Variants in RBFOX1 observed in about 807,000 individuals in gnomAD.
RBFOX1 encodes the protein RNA binding protein fox-1 homolog 1.
A neutral mutation model predicts 57.7 loss-of-function variants in RBFOX1; 8 were observed. The ratio of observed to expected loss-of-function variants is 0.14; its 90% confidence interval spans 0.08 to 0.25. The LOEUF (loss-of-function observed/expected upper bound fraction) is 0.25. Ranked by LOEUF, RBFOX1 falls within the 10% of genes least tolerant of loss-of-function variation. The pLI, the probability that RBFOX1 is intolerant of heterozygous loss-of-function variation, is 1.00. For synonymous variants in RBFOX1, 326 were observed against 222.4 expected (o/e 1.47, Z -4.15); for missense variants, 611 against 548.5 (o/e 1.11, Z -1.14).
chr16:5,433,816 G>A (rs544407653), intron 1 of RBFOX1, among the ~76,000 whole-genome samples: 4 of 152,272 alleles, frequency 2.6e-5, no homozygotes, highest in South Asian at 2.1e-4. Context: ...CTAGCATGGT[G>A]CATACCAGCA....
chr16:7,595,749 C>A (rs2094651263), intron 8 of RBFOX1, 108 bp downstream of exon 8: 3 of 592,562 alleles, frequency 5.1e-6, no homozygotes, highest in Non-Finnish European at 7.4e-6. Context: ...CCCTATTCCC[C>A]CTCATTGTTT....
At chr16:6,457,831 A>T (rs193302812) in intron 2 of RBFOX1, among the ~76,000 whole-genome samples, 7 of 152,258 alleles carry the variant, frequency 4.6e-5, no homozygotes, top group Non-Finnish European at 1.0e-4. Context: ...GGAGTTGTAA[A>T]TTCAGCGCCT....
chr16:7,691,192 C>G (rs1041394479), intron 14 of RBFOX1, among the ~76,000 whole-genome samples: 1 of 143,092 alleles, frequency 7.0e-6, no homozygotes, highest in Non-Finnish European at 1.6e-5. Flanking sequence ...TTAAATGTCA[C>G]TATTATTGAG....
intron 5 of RBFOX1, among the ~76,000 whole-genome samples, chr16:7,572,507 G>T (rs993291852): frequency 6.6e-6 from 1 of 152,138 alleles, no homozygotes; most frequent in East Asian, 1.9e-4. Context: ...CAGTGATGCT[G>T]TTGAACATTC....
At chr16:6,893,441 C>G (rs1009154670) in intron 3 of RBFOX1, among the ~76,000 whole-genome samples, 1 of 152,142 alleles carries the variant, frequency 6.6e-6, no homozygotes, top group Non-Finnish European at 1.5e-5. Flanking sequence ...ATCAAAAGAT[C>G]TTTCTTTTAA....
intron 4 of RBFOX1, among the ~76,000 whole-genome samples, chr16:7,349,105 G>A (rs1055320399): frequency 6.6e-6 from 1 of 152,144 alleles, no homozygotes; most frequent in Non-Finnish European, 1.5e-5. Flanking sequence ...CACGATGGAG[G>A]TGTGGTTGCT....
At chr16:7,706,392 C>T (rs1266337254) in intron 14 of RBFOX1, among the ~76,000 whole-genome samples, 1 of 152,160 alleles carries the variant, frequency 6.6e-6, no homozygotes, top group Non-Finnish European at 1.5e-5. Context: ...GAAGAGAATA[C>T]TGCCAAATTG....
intron 4 of RBFOX1, among the ~76,000 whole-genome samples, chr16:7,080,801 C>G (rs945124749): frequency 1.3e-5 from 2 of 152,238 alleles, no homozygotes; most frequent in African/African-American, 2.4e-5. Context: ...AAGACCACAA[C>G]AAACTCTTGA....
chr16:7,269,793 C>G (rs776529538), intron 4 of RBFOX1, among the ~76,000 whole-genome samples: 1 of 152,126 alleles, frequency 6.6e-6, no homozygotes, highest in Non-Finnish European at 1.5e-5. Context: ...GTGTCAGGGT[C>G]GGAAGATATG....
At chr16:5,333,852 C>T (rs2064829199) in intron 1 of RBFOX1, among the ~76,000 whole-genome samples, 1 of 152,144 alleles carries the variant, frequency 6.6e-6, no homozygotes, top group African/African-American at 2.4e-5. Flanking sequence ...CATATCTCAA[C>T]ATAGAAAAGG....
chr16:6,569,605 C>G (rs544532433), intron 2 of RBFOX1, among the ~76,000 whole-genome samples: 2 of 152,326 alleles, frequency 1.3e-5, no homozygotes, highest in East Asian at 3.9e-4. Flanking sequence ...GTGGAGAAAT[C>G]TACTTTTCTG....
rs533966955 is a variant in RBFOX1, at chr16:6,904,494, G to C, written c.-15-147563G>C. Among the ~76,000 whole-genome samples the C allele has an allele frequency of 2.0e-4, 30 of 151,426 alleles. 1 individual carries two copies. The highest frequency in any genetic ancestry group is 6.5e-4 in the African/African-American group (27 of 41,242). ...TGGGTGCCTGTAATCCCAGCTACTC[G>C]GGAGGCCGAGGCAGGAGAATTGTTT... On this transcript the variant is annotated intron_variant, in intron 3 of 15. Transcript: ENST00000550418.
intron 1 of RBFOX1, among the ~76,000 whole-genome samples, chr16:5,417,083 C>T (rs1038665617): frequency 2.6e-5 from 4 of 152,354 alleles, no homozygotes; most frequent in African/African-American, 9.6e-5. Flanking sequence ...CGAAGTCTCA[C>T]AGCCCTTCTT....
intron 3 of RBFOX1, among the ~76,000 whole-genome samples, chr16:6,991,298 T>G (rs560727937): frequency 6.6e-6 from 1 of 152,190 alleles, no homozygotes; most frequent in African/African-American, 2.4e-5. Flanking sequence ...AGACCTTGTC[T>G]CAAAACAAAA....
chr16:5,331,367 G>T (rs1947534884), intron 1 of RBFOX1, among the ~76,000 whole-genome samples: 1 of 152,162 alleles, frequency 6.6e-6, no homozygotes, highest in Admixed American at 6.5e-5. Context: ...ATGTTCTCTT[G>T]GATTGTGTAT....
intron 3 of RBFOX1, among the ~76,000 whole-genome samples, chr16:5,628,836 A>G (rs8044746): frequency 6.6e-6 from 1 of 152,094 alleles, no homozygotes; most frequent in Non-Finnish European, 1.5e-5. Context: ...TGTCTGTCCT[A>G]TTCTACATGG....
intron 3 of RBFOX1, among the ~76,000 whole-genome samples, chr16:7,027,782 A>G (rs1024038238): frequency 9.3e-5 from 14 of 151,048 alleles, no homozygotes; most frequent in African/African-American, 2.9e-4. Context: ...ATTTTTTTTT[A>G]TTTTAAACAA....
At chr16:6,969,674 G>A (rs915741064) in intron 3 of RBFOX1, among the ~76,000 whole-genome samples, 7 of 152,052 alleles carry the variant, frequency 4.6e-5, no homozygotes, top group Non-Finnish European at 7.4e-5. Context: ...AGTCTGGGAG[G>A]CGGAGGTTGC....
At chr16:5,671,192 G>T (rs768820522) in intron 3 of RBFOX1, among the ~76,000 whole-genome samples, 1 of 152,208 alleles carries the variant, frequency 6.6e-6, no homozygotes, top group Non-Finnish European at 1.5e-5. Context: ...AAGCTAGGAG[G>T]TTTTCTTTGA....
Sources: allele counts gnomAD v4.1 joint callset (sites outside exome capture counted in the v4.1 genomes callset), GRCh38; gene constraint gnomAD v4.1.1; transcripts MANE v1.5; gene names NCBI Gene and HGNC (gene_info 2026-07-23, HGNC 2026-07-21).